ZNF616: variants seen among roughly 807,000 people sequenced by gnomAD.
The protein encoded by ZNF616 is zinc finger protein 616.
ZNF616 carries 5 observed loss-of-function variants against 7.6 expected under a neutral mutation model. The ratio of observed to expected loss-of-function variants is 0.66; its 90% CI spans 0.34 to 1.38. The LOEUF is 1.38. Ranked by LOEUF, ZNF616 falls within the 40% of genes most tolerant of loss-of-function variation. The pLI is 0.04. For missense variants in ZNF616, 913 were observed against 948.3 expected, an observed-to-expected ratio of 0.96 and a Z score of 0.49; for synonymous variants, 319 against 317.2, an observed-to-expected ratio of 1.01 and a Z score of -0.06.
intron 1 of ZNF616, among the ~76,000 whole-genome samples, chr19:52,131,096 C>T (rs1259984380): frequency 2.6e-5 from 4 of 151,798 alleles, no homozygotes; most frequent in African/African-American, 9.7e-5. Context: ...GGTGAAACAC[C>T]CTCTCTACCA....
chr19:52,114,686 A>G lies in ZNF616; in HGVS notation c.*132T>C, dbSNP rs1235426799. 4.7e-6 allele frequency: 5 copies of G among 1,070,404 alleles called. No homozygotes were observed. The highest frequency in any genetic ancestry group is 1.6e-5 in the African/African-American group (1 of 62,338). The allele number at this position is 1,070,404 out of a possible 1,614,324, so 66.3% of individuals were successfully genotyped here. A position where few individuals can be genotyped will look rare whatever the true frequency, so the allele number is the denominator to read the frequency against. On this transcript the variant is annotated 3_prime_UTR_variant, in exon 4 of 4. Transcript: ENST00000600228. ...TTGAGAAATCCACTTCCATGATTCA[A>G]TCACCTCCCAATGGGCCCCACCTCC...
At chr19:52,129,101 C>A (rs1003896004) in intron 2 of ZNF616, among the ~76,000 whole-genome samples, 3 of 151,434 alleles carry the variant, frequency 2.0e-5, no homozygotes, top group African/African-American at 7.3e-5. Flanking sequence ...GATGAAACCC[C>A]CCACCATCTC....
rs375612532 is a variant in ZNF616 at position 52,116,653 on chromosome 19, T to C, written c.511A>G (p.Asn171Asp). Residue 171 changes from asparagine (N) to aspartate (D), a missense_variant, in exon 4 of 4, where the codon AAT becomes GAT. Physicochemically the swap from Asn to Asp is conservative, Grantham distance 23. Transcript: ENST00000600228. Reference protein sequence around the residue: ...YECNETEKTGNNGCLVSPHIR... With the variant: ...YECNETEKTGDNGCLVSPHIR... ...TGTGGAGAAACTAAACAACCATTAT[T>C]ACCTGTCTTCTCCGTTTCATTACAT... 1.9e-6 allele frequency: 3 copies of C among 1,614,166 alleles called. No individual in the cohort carries two copies. The highest frequency in any genetic ancestry group is 1.3e-5 in the African/African-American group (1 of 75,058).
At chr19:52,121,822 A>C (rs915401372) in intron 3 of ZNF616, among the ~76,000 whole-genome samples, 1 of 152,202 alleles carries the variant, frequency 6.6e-6, no homozygotes, top group African/African-American at 2.4e-5. Context: ...ATGGATATAG[A>C]CTTAAATGTA....
At chr19:52,133,497 T>C (rs1246647724) in intron 1 of ZNF616, among the ~76,000 whole-genome samples, 3 of 152,196 alleles carry the variant, frequency 2.0e-5, no homozygotes, top group Non-Finnish European at 4.4e-5. Context: ...GGGTTTGTTG[T>C]ATACATTATT....
chr19:52,123,821 G>T (rs1250892536), intron 3 of ZNF616, 102 bp downstream of exon 3: 2 of 1,425,780 alleles, frequency 1.4e-6, no homozygotes, highest in Non-Finnish European at 9.8e-7. Context: ...AACCAATAAG[G>T]CTTCAGTCTC....
At chr19:52,121,382 A>C (rs1235636840) in intron 3 of ZNF616, among the ~76,000 whole-genome samples, 1 of 152,246 alleles carries the variant, frequency 6.6e-6, no homozygotes, top group African/African-American at 2.4e-5. Context: ...AAAAATTAGA[A>C]TATCAAAAAA....
rs755301430 is a variant in ZNF616 at position 52,115,734 on chromosome 19, T to C, written c.1430A>G (p.His477Arg). 2 of 1,613,648 alleles carry C rather than the reference T, an allele frequency of 1.2e-6. No homozygotes were observed. Among genetic ancestry groups the C allele is most frequent in the East Asian group, 2.2e-5 (1 of 44,808 alleles). The change falls in exon 4 of 4, where the codon CAT becomes CGT. Residue 477 changes from histidine to arginine, a missense_variant. By Grantham distance (29) the His-to-Arg change is conservative (BLOSUM62 0). Coordinates refer to ENST00000600228, the MANE Select transcript of ZNF616 (RefSeq NM_178523.5). ...CNECGKVFSI[H>R]SRLAAHQRIH... ...TCTCTGATGAGCTGCAAGTCGTGAA[T>C]GTATGCTGAAAACTTTGCCACATTC...
rs752968005 is a variant in ZNF616 at position 52,115,828 on chromosome 19, A to G, written c.1336T>C (p.Tyr446His). The G allele has an allele frequency of 5.0e-6, 8 of 1,609,086 alleles. No homozygotes were observed. Among genetic ancestry groups the G allele is most frequent in the African/African-American group, 1.3e-5 (1 of 74,492 alleles). The change falls in exon 4 of 4, where the codon TAC becomes CAC. Residue 446 changes from tyrosine to histidine, a missense_variant. By Grantham distance (83) the Tyr-to-His change is moderately conservative (BLOSUM62 2). Coordinates refer to ENST00000600228, the MANE Select transcript of ZNF616 (RefSeq NM_178523.5). ...TYKCNKCGKV[Y>H]SKHSHLAVHW... ...ACTGCAAGATGTGAATGCTTACTGT[A>G]CACCTTGCCACATTTATTGCATTTG...
At position 52,121,269 on chromosome 19, in the gene ZNF616, G is replaced by A. The variant is rs144334800; in HGVS notation, c.139+2654C>T. Among the ~76,000 whole-genome samples the A allele has an allele frequency of 2.7e-3, 410 of 152,170 alleles. 2 individuals carry two copies. Among genetic ancestry groups the A allele is most frequent in the African/African-American group, 8.5e-3 (352 of 41,508 alleles). On this transcript the variant is annotated intron_variant, in intron 3 of 3. Transcript: ENST00000600228. ...GCGGTTTCGCCATGTTGGCCAGGCT[G>A]GTCTCAAACTCCTGACCTCGTTTAA... is the stretch of plus-strand genomic sequence containing the variant.
chr19:52,120,596 G>A (rs2088857878), intron 3 of ZNF616, among the ~76,000 whole-genome samples: 4 of 152,214 alleles, frequency 2.6e-5, no homozygotes, highest in Admixed American at 2.0e-4. Flanking sequence ...AAGGACACAC[G>A]CAGGCTGAAT....
intron 1 of ZNF616, among the ~76,000 whole-genome samples, chr19:52,131,265 A>C (rs1314626047): frequency 1.0e-5 from 1 of 99,146 alleles, no homozygotes; most frequent in Non-Finnish European, 2.0e-5. Flanking sequence ...CTCTGTCACC[A>C]AAAAAAAAAA....
chr19:52,113,745 G>T lies in ZNF616; in HGVS notation c.*1073C>A, dbSNP rs2088790662. ...TTCTGTTCCTGTGTTAGTTTCCTGAGGATAATGGCTTCCAGCTCCATCCAC... is the reference window on the plus strand; with the variant it reads ...TTCTGTTCCTGTGTTAGTTTCCTGATGATAATGGCTTCCAGCTCCATCCAC... On this transcript the variant is annotated 3_prime_UTR_variant, in exon 4 of 4. Coordinates refer to ENST00000600228, the MANE Select transcript of ZNF616 (RefSeq NM_178523.5). 6.6e-6 allele frequency: 1 copy of T among 152,088 alleles called. No homozygotes were observed. Among genetic ancestry groups the T allele is most frequent in the African/African-American group, 2.4e-5 (1 of 41,368 alleles). The allele number at this position is 152,088 out of a possible 1,614,324, so 9.4% of individuals were successfully genotyped here.
Position 52,115,401 on chromosome 19 carries a change from T to C in ZNF616, c.1763A>G (p.Gln588Arg), listed in dbSNP as rs2088810099. Residue 588 changes from glutamine (Q) to arginine (R), a missense_variant, in exon 4 of 4, where the codon CAG (glutamine) becomes CGG (arginine). By Grantham distance (43) the Gln-to-Arg change is conservative. Transcript: ENST00000600228. ...KCNECGKVYS[Q>R]YSHLVGHRRV... ...TCGATGCCCTACAAGATGTGAATAC[T>C]GACTGTAGACCTTGCCGCATTCATT... 6.2e-7 allele frequency: 1 copy of C among 1,614,056 alleles called. No homozygotes were observed. The highest frequency in any genetic ancestry group is 8.5e-7 in the Non-Finnish European group (1 of 1,180,032).
chr19:52,123,879 T>C (rs1011388810), intron 3 of ZNF616, 44 bp downstream of exon 3: 3 of 1,611,942 alleles, frequency 1.9e-6, no homozygotes, highest in Non-Finnish European at 2.5e-6. Flanking sequence ...AATACAAAAA[T>C]GCACAAGGGC....
intron 1 of ZNF616, among the ~76,000 whole-genome samples, chr19:52,134,638 T>G (rs8103346): frequency 0.18 from 28,148 of 152,190 alleles, 2,985 homozygotes; most frequent in South Asian, 0.36. Flanking sequence ...AATCTAGCTG[T>G]TGTCTGCTGG....
rs767182945 is a variant in ZNF616, at chr19:52,139,084, T to C, written c.-77+648A>G. Among the ~76,000 whole-genome samples, 43 of 152,318 alleles carry C rather than the reference T, an allele frequency of 2.8e-4. 1 individual carries two copies. In the Middle Eastern group the frequency reaches 0.01, roughly 36 times the overall value. ...GCTCTCTTTGCCAGTACCTAAATTATCATCCATTTTGCCGTGTACTCATTC... is the reference window on the plus strand; with the variant it reads ...GCTCTCTTTGCCAGTACCTAAATTACCATCCATTTTGCCGTGTACTCATTC... On this transcript the variant is annotated intron_variant, in intron 1 of 3. Coordinates refer to ENST00000600228, the MANE Select transcript of ZNF616 (RefSeq NM_178523.5). The surrounding 1 kb of genome is among the most constrained non-coding windows in gnomAD (Gnocchi z 4.1).
chr19:52,116,134 G>C lies in ZNF616; in HGVS notation c.1030C>G (p.Gln344Glu), dbSNP rs142814782. The C allele has an allele frequency of 2.5e-6, 4 of 1,613,640 alleles. No homozygotes were observed. The African/African-American group carries it at 5.3e-5, about 22-fold the overall frequency. ...FKRSSNLTVH[Q>E]VIHAGKKPYK... is the part of the protein sequence containing the mutation. ...GGTTTCTTTCCTGCATGGATTACCT[G>C]ATGTACAGTGAGGTTTGAGCTCCGT... Residue 344 changes from glutamine to glutamate, a missense_variant, in exon 4 of 4, where the codon CAG becomes GAG. Gln to Glu is a conservative substitution (Grantham distance 29). Coordinates refer to ENST00000600228, the MANE Select transcript of ZNF616 (RefSeq NM_178523.5).
intron 1 of ZNF616, among the ~76,000 whole-genome samples, chr19:52,131,334 T>G (rs1430286303): frequency 7.0e-6 from 1 of 143,052 alleles, no homozygotes; most frequent in Non-Finnish European, 1.5e-5. Context: ...GGCCCCACCC[T>G]AACTACTGGA....
Sources: allele counts gnomAD v4.1 joint callset (sites outside exome capture counted in the v4.1 genomes callset), GRCh38; gene constraint gnomAD v4.1.1; non-coding constraint Gnocchi (gnomAD v3.1); transcripts MANE v1.5; gene names NCBI Gene and HGNC (gene_info 2026-07-23, HGNC 2026-07-21).